Variants in TBL1X observed in about 807,000 individuals in gnomAD.
TBL1X encodes F-box-like/WD repeat-containing protein TBL1X.
TBL1X carries 10 observed loss-of-function variants against 50.7 expected under a neutral mutation model. The observed-to-expected ratio is 0.20, with a 90% CI of 0.12 to 0.33. TBL1X has a LOEUF of 0.33. Ranked by LOEUF, TBL1X falls within the 10% of genes least tolerant of loss-of-function variation. The pLI is 1.00. For missense variants in TBL1X, 340 were observed against 504.4 expected (o/e 0.67, Z 3.12); for synonymous variants, 190 against 214.7 (o/e 0.88, Z 1.01).
chrX:9,492,760 A>G (rs2081950772), intron 1 of TBL1X, among the ~76,000 whole-genome samples: 1 of 108,475 alleles, frequency 9.2e-6, no homozygotes, highest in African/African-American at 3.4e-5. Flanking sequence ...CGTTTTGTTG[A>G]TTGATTCATG....
At chrX:9,539,942 C>T (rs1425001843) in intron 2 of TBL1X, among the ~76,000 whole-genome samples, 1 of 112,404 alleles carries the variant, frequency 8.9e-6, no homozygotes, top group Non-Finnish European at 1.9e-5. Context: ...TTATTTGGCT[C>T]TAGATGGGGT....
intron 5 of TBL1X, among the ~76,000 whole-genome samples, chrX:9,671,186 T>C (rs2082958384): frequency 9.0e-6 from 1 of 111,589 alleles, no homozygotes; most frequent in South Asian, 3.8e-4. Context: ...TACAGTGAAA[T>C]AATACAGATG....
rs776283129 is a variant in TBL1X at position 9,495,431 on chromosome X, C to T, written c.-200-6349C>T. Among the ~76,000 whole-genome samples the T allele has an allele frequency of 7.2e-5, 8 of 110,548 alleles. No individual in the cohort carries two copies. The South Asian group carries it at 3.1e-3, about 43-fold the overall frequency. On this transcript the variant is annotated intron_variant, in intron 1 of 17. Transcript: ENST00000645353. ...GGTCCGACAGAGATTCCTGGGATAG[C>T]TGCATCTTCATGTTGTACACGCATA...
At chrX:9,683,935 C>A in intron 5 of TBL1X, 108 bp from the exon 6 acceptor site, 1 of 1,122,467 alleles carries the variant, frequency 8.9e-7, no homozygotes, top group Non-Finnish European at 1.2e-6. Context: ...TCTGTCCCTG[C>A]AAATTAAGTG....
At chrX:9,712,363 A>G (rs748024855) in intron 16 of TBL1X, among the ~76,000 whole-genome samples, 1 of 112,371 alleles carries the variant, frequency 8.9e-6, no homozygotes, top group East Asian at 2.8e-4. Context: ...TTTGAGACGG[A>G]GTCTCACTCT....
intron 6 of TBL1X, among the ~76,000 whole-genome samples, chrX:9,687,689 C>G (rs1251576462): frequency 9.5e-6 from 1 of 105,487 alleles, no homozygotes; most frequent in Non-Finnish European, 2.0e-5. Flanking sequence ...CCGCCCCCGC[C>G]ACGTTGAGAA....
chrX:9,639,430 A>T (rs1433004012), intron 2 of TBL1X, among the ~76,000 whole-genome samples: 1 of 111,834 alleles, frequency 8.9e-6, no homozygotes, highest in Non-Finnish European at 1.9e-5. Context: ...GATAATTGAT[A>T]CTCTCTAGGA....
At chrX:9,617,825 G>A (rs2082646704) in intron 2 of TBL1X, among the ~76,000 whole-genome samples, 2 of 112,260 alleles carry the variant, frequency 1.8e-5, no homozygotes, top group Non-Finnish European at 1.9e-5. Context: ...TGTGTAGAAA[G>A]TGAAAACTGA....
intron 2 of TBL1X, among the ~76,000 whole-genome samples, chrX:9,512,908 G>A (rs910287971): frequency 9.0e-6 from 1 of 111,486 alleles, no homozygotes; most frequent in East Asian, 2.8e-4. Flanking sequence ...CTGACTATAC[G>A]GCTTCCTAGC....
chrX:9,652,712 G>A (rs1233287708), intron 3 of TBL1X, among the ~76,000 whole-genome samples: 1 of 110,949 alleles, frequency 9.0e-6, no homozygotes, highest in East Asian at 2.8e-4. Context: ...TTAGCTGGGC[G>A]TGCTGATGCC....
chrX:9,658,012 C>G (rs776222661), intron 5 of TBL1X, among the ~76,000 whole-genome samples: 2 of 111,342 alleles, frequency 1.8e-5, no homozygotes, highest in Non-Finnish European at 3.8e-5. Context: ...TTTTCCCGTG[C>G]TGTTCTCGTG....
At chrX:9,710,357 G>A (rs1370752110) in intron 15 of TBL1X, among the ~76,000 whole-genome samples, 1 of 111,380 alleles carries the variant, frequency 9.0e-6, no homozygotes, top group Non-Finnish European at 1.9e-5. Context: ...GAGAGGACAG[G>A]ATGGAATTCC....
At chrX:9,710,714 G>A (rs780572393) in intron 15 of TBL1X, among the ~76,000 whole-genome samples, 21 of 111,906 alleles carry the variant, frequency 1.9e-4, no homozygotes, top group Middle Eastern at 4.6e-3. Flanking sequence ...TTACGTATGT[G>A]GATGTGATTG....
intron 2 of TBL1X, among the ~76,000 whole-genome samples, chrX:9,553,631 T>C (rs112464726): frequency 5.3e-3 from 589 of 111,706 alleles, no homozygotes; most frequent in African/African-American, 0.019. Context: ...TCCTCCTTCC[T>C]CTTGCAATGA....
At chrX:9,538,133 C>T (rs7063680) in intron 2 of TBL1X, among the ~76,000 whole-genome samples, 2,064 of 111,918 alleles carry the variant, frequency 0.018, 21 homozygotes, top group African/African-American at 0.048. Flanking sequence ...CTGCTTGGGA[C>T]GTTTGCACTG....
intron 2 of TBL1X, among the ~76,000 whole-genome samples, chrX:9,620,861 C>A (rs891721864): frequency 3.6e-5 from 4 of 112,005 alleles, no homozygotes; most frequent in African/African-American, 1.3e-4. Context: ...TGTGATGACT[C>A]CCACTGGGTC....
At chrX:9,682,718 C>T (rs2083032838) in intron 5 of TBL1X, among the ~76,000 whole-genome samples, 1 of 112,164 alleles carries the variant, frequency 8.9e-6, no homozygotes, top group African/African-American at 3.2e-5. Flanking sequence ...CCCTCATTGG[C>T]TGAATGAAAG....
intron 2 of TBL1X, among the ~76,000 whole-genome samples, chrX:9,524,515 G>T (rs769404529): frequency 8.9e-6 from 1 of 111,799 alleles, no homozygotes; most frequent in South Asian, 3.7e-4. Context: ...TTCACTCAGC[G>T]TACTGTCCTC....
At chrX:9,593,355 T>C (rs1046385555) in intron 2 of TBL1X, among the ~76,000 whole-genome samples, 4 of 110,070 alleles carry the variant, frequency 3.6e-5, no homozygotes, top group Non-Finnish European at 5.7e-5. Flanking sequence ...TGAGCTGATA[T>C]CGCACCACTG....
Sources: gnomAD v4.1 joint callset for allele counts (sites outside exome capture counted in the v4.1 genomes callset) on GRCh38, gnomAD v4.1.1 for gene constraint, MANE v1.5 for transcripts, NCBI Gene and HGNC (gene_info 2026-07-23, HGNC 2026-07-21) for gene names.